DUSP2: variants seen among roughly 807,000 people sequenced by gnomAD.
DUSP2 encodes dual specificity phosphatase 2, also known as dual specificity protein phosphatase 2.
In DUSP2, 20 loss-of-function variants were observed where a neutral mutation model predicts 23.3. The ratio of observed to expected loss-of-function variants is 0.86; its 90% CI spans 0.60 to 1.25. The LOEUF (loss-of-function observed/expected upper bound fraction) is 1.25. DUSP2 is among the 50% of genes most tolerant of loss of function. The pLI, the probability that DUSP2 is intolerant of heterozygous loss-of-function variation, is 0.00. For missense variants in DUSP2, 435 were observed against 452.6 expected (o/e 0.96, Z 0.35); for synonymous variants, 231 against 209.7 (o/e 1.10, Z -0.88).
Position 96,143,837 on chromosome 2 carries a change from C to A in DUSP2, c.931G>T (p.Val311Leu). Residue 311 changes from valine (V) to leucine (L), a missense_variant, in exon 4 of 4, where the codon GTG becomes TTG. Physicochemically the swap from Val to Leu is conservative, Grantham distance 32. Coordinates refer to ENST00000288943, the MANE Select transcript of DUSP2 (RefSeq NM_004418.4). Reference sequence around the variant, plus strand: ...GGGGCACCACCTCAGTGACACAGCACCTGGGTCTCAAACTGCAGCAGCTGC... The same window carrying A: ...GGGGCACCACCTCAGTGACACAGCAACTGGGTCTCAAACTGCAGCAGCTGC... ...MGQLLQFETQ[V>L]LCH 6.2e-7 allele frequency: 1 copy of A among 1,613,210 alleles called. No individual in the cohort carries two copies. The highest frequency in any genetic ancestry group is 8.5e-7 in the Non-Finnish European group (1 of 1,180,020).
Position 96,145,234 on chromosome 2 carries a change from G to A in DUSP2, c.121C>T (p.Arg41Cys). Residue 41 changes from arginine to cysteine, a missense_variant, in exon 1 of 4, where the codon CGC becomes TGC. Arg to Cys is a radical substitution (Grantham distance 180). Coordinates refer to ENST00000288943, the MANE Select transcript of DUSP2 (RefSeq NM_004418.4). Reference sequence around the variant, plus strand: ...ACTGGCCGCGCGGCGCGCACGTGGCGCCGGCAGAAGGCCAGGAAGGGGCGG... The same window carrying A: ...ACTGGCCGCGCGGCGCGCACGTGGCACCGGCAGAAGGCCAGGAAGGGGCGG... ...DCRPFLAFCR[R>C]HVRAARPVPW... 1 of 1,276,544 alleles carries A rather than the reference G, an allele frequency of 7.8e-7. No homozygotes were observed. The highest frequency in any genetic ancestry group is 9.8e-7 in the Non-Finnish European group (1 of 1,018,704). The allele number at this position is 1,276,544 out of a possible 1,614,324, so 79.1% of individuals were successfully genotyped here. A position where few individuals can be genotyped will look rare whatever the true frequency, so the allele number is the denominator to read the frequency against.
Position 96,145,246 on chromosome 2 carries a change from C to A in DUSP2, c.109G>T (p.Ala37Ser). ...TLLLDCRPFL[A>S]FCRRHVRAAR... ...GCGCGCACGTGGCGCCGGCAGAAGGCCAGGAAGGGGCGGCAGTCCAGCAGC... is the reference window on the plus strand; with the variant it reads ...GCGCGCACGTGGCGCCGGCAGAAGGACAGGAAGGGGCGGCAGTCCAGCAGC... Residue 37 changes from alanine (A) to serine (S), a missense_variant, in exon 1 of 4, where the codon GCC (alanine) becomes TCC (serine). Physicochemically the swap from Ala to Ser is moderately conservative, Grantham distance 99. Transcript: ENST00000288943. 7.8e-7 allele frequency: 1 copy of A among 1,284,890 alleles called. No homozygotes were observed. The highest frequency in any genetic ancestry group is 9.8e-7 in the Non-Finnish European group (1 of 1,022,238). The allele number at this position is 1,284,890 out of a possible 1,614,324, so 79.6% of individuals were successfully genotyped here.
Position 96,143,424 on chromosome 2 carries a change from C to T in DUSP2, c.*399G>A. 5.0e-6 allele frequency: 1 copy of T among 201,590 alleles called. No homozygotes were observed. Among genetic ancestry groups the T allele is most frequent in the South Asian group, 8.5e-5 (1 of 11,804 alleles). 12.5% of individuals were successfully genotyped at this position (201,590 alleles called of 1,614,324 possible). A position where few individuals can be genotyped will look rare whatever the true frequency, so the allele number is the denominator to read the frequency against. On this transcript the variant is annotated 3_prime_UTR_variant, in exon 4 of 4. Coordinates refer to ENST00000288943, the MANE Select transcript of DUSP2 (RefSeq NM_004418.4). ...AGGAACACAGGGCTTGGGCTCCAGGCCCTGGGCAGACGAACCCACAGACAG... is the reference window on the plus strand; with the variant it reads ...AGGAACACAGGGCTTGGGCTCCAGGTCCTGGGCAGACGAACCCACAGACAG...
intron 3 of DUSP2, 56 bp downstream of exon 3, chr2:96,144,098 C>T: frequency 6.2e-7 from 1 of 1,612,240 alleles, no homozygotes; most frequent in Middle Eastern, 1.7e-4. Flanking sequence ...AGACAGGTGC[C>T]CCCAGTCCTC....
chr2:96,143,897 G>C lies in DUSP2; in HGVS notation c.871C>G (p.Arg291Gly), dbSNP rs753630020. 4.3e-6 allele frequency: 7 copies of C among 1,613,598 alleles called. No individual in the cohort carries two copies. Among genetic ancestry groups the C allele is most frequent in the Non-Finnish European group, 5.9e-6 (7 of 1,180,006 alleles). ...CTGAAGTTGGGGGAGATGACCCCCC[G>C]GCGCTGCTTAACGAAGTCAAAGGCC... ...DEAFDFVKQR[R>G]GVISPNFSFM... Residue 291 changes from arginine to glycine, a missense_variant, in exon 4 of 4, where the codon CGG (arginine) becomes GGG (glycine). Coordinates refer to ENST00000288943, the MANE Select transcript of DUSP2 (RefSeq NM_004418.4).
At position 96,144,860 on chromosome 2, in the gene DUSP2, G is replaced by T; in HGVS notation, c.411C>A (p.Gly137=). The change falls in exon 2 of 4, where the codon GGC becomes GGA. Residue 137 remains glycine, a synonymous_variant. Transcript: ENST00000288943. ...CCTCAGAGCACAGATCGGGACAGCA[G>T]CCCTGGAAGCCGTCGAAGCCTCCTG... ...FLRGGFDGFQ[G]CCPDLCSEAP... The T allele has an allele frequency of 6.4e-7, 1 of 1,552,392 alleles. No individual in the cohort carries two copies. Among genetic ancestry groups the T allele is most frequent in the Non-Finnish European group, 8.7e-7 (1 of 1,147,922 alleles).
rs1682443432 is a variant in DUSP2 at position 96,143,622 on chromosome 2, C to T, written c.*201G>A. ...CCCGACCCCGAATGAGGGCCAGCCTCAGTCCCCCAGCAGAAGAGCACCAGG... is the reference window on the plus strand; with the variant it reads ...CCCGACCCCGAATGAGGGCCAGCCTTAGTCCCCCAGCAGAAGAGCACCAGG... On this transcript the variant is annotated 3_prime_UTR_variant, in exon 4 of 4. Transcript: ENST00000288943. The T allele has an allele frequency of 4.6e-6, 3 of 653,636 alleles. No homozygotes were observed. The South Asian group carries it at 5.9e-5, about 13-fold the overall frequency. The allele number at this position is 653,636 out of a possible 1,614,324, so 40.5% of individuals were successfully genotyped here. A position where few individuals can be genotyped will look rare whatever the true frequency, so the allele number is the denominator to read the frequency against.
chr2:96,145,225 G>A lies in DUSP2; in HGVS notation c.130C>T (p.Arg44Cys). Residue 44 changes from arginine to cysteine, a missense_variant, in exon 1 of 4, where the codon CGC (arginine) becomes TGC (cysteine). Transcript: ENST00000288943. Reference sequence around the variant, plus strand: ...TTCCAAGGCACTGGCCGCGCGGCGCGCACGTGGCGCCGGCAGAAGGCCAGG... The same window carrying A: ...TTCCAAGGCACTGGCCGCGCGGCGCACACGTGGCGCCGGCAGAAGGCCAGG... ...PFLAFCRRHV[R>C]AARPVPWNAL... The A allele has an allele frequency of 7.8e-7, 1 of 1,274,268 alleles. No homozygotes were observed. Among genetic ancestry groups the A allele is most frequent in the Non-Finnish European group, 9.8e-7 (1 of 1,017,506 alleles). 78.9% of individuals were successfully genotyped at this position (1,274,268 alleles called of 1,614,324 possible).
Position 96,145,235 on chromosome 2 carries a change from C to G in DUSP2, c.120G>C (p.Arg40=). 1 of 1,277,038 alleles carries G rather than the reference C, an allele frequency of 7.8e-7. No homozygotes were observed. The highest frequency in any genetic ancestry group is 9.8e-7 in the Non-Finnish European group (1 of 1,018,990). 79.1% of individuals were successfully genotyped at this position (1,277,038 alleles called of 1,614,324 possible). A position where few individuals can be genotyped will look rare whatever the true frequency, so the allele number is the denominator to read the frequency against. The change falls in exon 1 of 4, where the codon CGG becomes CGC. Residue 40 remains arginine, a synonymous_variant. Coordinates refer to ENST00000288943, the MANE Select transcript of DUSP2 (RefSeq NM_004418.4). ...CTGGCCGCGCGGCGCGCACGTGGCG[C>G]CGGCAGAAGGCCAGGAAGGGGCGGC... The part of the protein sequence containing the change: ...LDCRPFLAFC[R]RHVRAARPVP...
intron 2 of DUSP2, 119 bp downstream of exon 2, chr2:96,144,642 T>C: frequency 2.1e-6 from 2 of 973,480 alleles, no homozygotes; most frequent in Non-Finnish European, 3.0e-6. Context: ...CACACACGTA[T>C]AAAAGTGTGT....
chr2:96,145,188 C>A lies in DUSP2; in HGVS notation c.167G>T (p.Arg56Leu), dbSNP rs1682490229. The A allele has an allele frequency of 3.9e-6, 5 of 1,286,230 alleles. No individual in the cohort carries two copies. The highest frequency in any genetic ancestry group is 4.9e-6 in the Non-Finnish European group (5 of 1,022,988). The allele number at this position is 1,286,230 out of a possible 1,614,324, so 79.7% of individuals were successfully genotyped here. Residue 56 changes from arginine to leucine, a missense_variant, in exon 1 of 4, where the codon CGG becomes CTG. Physicochemically the swap from Arg to Leu is moderately radical, Grantham distance 102 (BLOSUM62 -2). Coordinates refer to ENST00000288943, the MANE Select transcript of DUSP2 (RefSeq NM_004418.4). ...ARPVPWNALL[R>L]RRARGPPAAV... ...GGCAGGAGGGCCGCGCGCGCGGCGC[C>A]GCAGCAGCGCGTTCCAAGGCACTGG...
chr2:96,144,685 G>C (rs1682471241), intron 2 of DUSP2, 76 bp downstream of exon 2: 2 of 1,327,830 alleles, frequency 1.5e-6, no homozygotes, highest in Non-Finnish European at 2.0e-6. Flanking sequence ...TCCCCAAATG[G>C]CAGGCTCTTT....
At position 96,144,153 on chromosome 2, in the gene DUSP2, C is replaced by T. The variant is rs1405109165; in HGVS notation, c.730+1G>A. The T allele has an allele frequency of 1.2e-6, 2 of 1,614,018 alleles. No individual in the cohort carries two copies. Among genetic ancestry groups the T allele is most frequent in the Non-Finnish European group, 1.7e-6 (2 of 1,180,006 alleles). ...ATTTCTGGGCAGAGGTGCCCCCTTACCAATGAAGCCTATGGCCTCCTGGAA... is the reference window on the plus strand; with the variant it reads ...ATTTCTGGGCAGAGGTGCCCCCTTATCAATGAAGCCTATGGCCTCCTGGAA... On this transcript the variant is annotated splice_donor_variant, in intron 3 of 3. Transcript: ENST00000288943. LOFTEE classifies it high-confidence loss of function.
rs776496987 is a variant in DUSP2 at position 96,143,965 on chromosome 2, C to A, written c.803G>T (p.Cys268Phe). The A allele has an allele frequency of 1.9e-6, 3 of 1,613,872 alleles. No homozygotes were observed. The highest frequency in any genetic ancestry group is 1.1e-5 in the South Asian group (1 of 91,090). ...QAGISRSATI[C>F]LAYLMQSRRV... ...GCGACTCTGCATGAGGTATGCCAGA[C>A]AGATGGTGGCAGAGCGCGAGATACC... Residue 268 changes from cysteine (C) to phenylalanine (F), a missense_variant, in exon 4 of 4, where the codon TGT becomes TTT. Transcript: ENST00000288943.
Position 96,144,759 on chromosome 2 carries a change from A to G in DUSP2, c.510+2T>C, listed in dbSNP as rs1419003838. ...GTTCGGGGGAGGGGGGTCAATACTC[A>G]CCTGGTCGTAGACAGGAGCCCTGGA... On this transcript the variant is annotated splice_donor_variant, in intron 2 of 3. Transcript: ENST00000288943. LOFTEE classifies it high-confidence loss of function. 1 of 1,583,082 alleles carries G rather than the reference A, an allele frequency of 6.3e-7. No individual in the cohort carries two copies. Among genetic ancestry groups the G allele is most frequent in the Admixed American group, 1.8e-5 (1 of 55,246 alleles).
chr2:96,145,030 C>T lies in DUSP2; in HGVS notation c.325G>A (p.Val109Met). ...TCGTGCAGCAGCGCGGCCAGCAGCA[C>T]ATGAGCCGGGCTGTCGGGCCGGAGC... The part of the protein sequence containing the change: ...AELRPDSPAH[V>M]LLAALLHETR... The change falls in exon 1 of 4, where the codon GTG (valine) becomes ATG (methionine). Residue 109 changes from valine to methionine, a missense_variant. Transcript: ENST00000288943. 1 of 1,535,612 alleles carries T rather than the reference C, an allele frequency of 6.5e-7. No individual in the cohort carries two copies.
At chr2:96,144,094 G>T in intron 3 of DUSP2, 57 bp from the exon 4 acceptor site, 9 of 1,612,182 alleles carry the variant, frequency 5.6e-6, no homozygotes, top group Non-Finnish European at 7.6e-6. Flanking sequence ...CAGGAGACAG[G>T]TGCCCCCAGT....
rs1314836831 is a variant in DUSP2, at chr2:96,145,366, C to T, written c.-12G>A. 2 of 1,383,890 alleles carry T rather than the reference C, an allele frequency of 1.4e-6. No individual in the cohort carries two copies. The highest frequency in any genetic ancestry group is 1.9e-6 in the Non-Finnish European group (2 of 1,070,184). The allele number at this position is 1,383,890 out of a possible 1,614,324, so 85.7% of individuals were successfully genotyped here. A position where few individuals can be genotyped will look rare whatever the true frequency, so the allele number is the denominator to read the frequency against. On this transcript the variant is annotated 5_prime_UTR_variant, in exon 1 of 4. Coordinates refer to ENST00000288943, the MANE Select transcript of DUSP2 (RefSeq NM_004418.4). Reference sequence around the variant, plus strand: ...GCCTCCAGCCCCATGGCCACCGGTGCCTCTTCCTCTTCCTTTCGGTCTTTC... The same window carrying T: ...GCCTCCAGCCCCATGGCCACCGGTGTCTCTTCCTCTTCCTTTCGGTCTTTC...
chr2:96,145,109 G>C lies in DUSP2; in HGVS notation c.246C>G (p.Arg82=). 1 of 1,380,712 alleles carries C rather than the reference G, an allele frequency of 7.2e-7. No individual in the cohort carries two copies. Among genetic ancestry groups the C allele is most frequent in the Non-Finnish European group, 9.3e-7 (1 of 1,078,332 alleles). 85.5% of individuals were successfully genotyped at this position (1,380,712 alleles called of 1,614,324 possible). A position where few individuals can be genotyped will look rare whatever the true frequency, so the allele number is the denominator to read the frequency against. ...GCACCACGGCCCGCGCCAGCTCCCC[G>C]CGGACCAGGCGCGTCCGCAGCGCGC... is the stretch of plus-strand genomic sequence containing the variant. ...PDRALRTRLV[R]GELARAVVLD... is the part of the protein sequence containing the mutation. The change falls in exon 1 of 4, where the codon CGC becomes CGG. Residue 82 remains arginine, a synonymous_variant. Transcript: ENST00000288943.
Sources: gnomAD v4.1 joint callset for allele counts on GRCh38, gnomAD v4.1.1 for gene constraint, MANE v1.5 for transcripts, NCBI Gene and HGNC (gene_info 2026-07-23, HGNC 2026-07-21) for gene names.